DHRSX: variants seen among roughly 807,000 people sequenced by gnomAD.
DHRSX encodes the protein dehydrogenase/reductase X-linked, also known as polyprenol dehydrogenase.
DHRSX carries 31 observed loss-of-function variants against 34.0 expected under a neutral mutation model. That is an observed-to-expected ratio of 0.91 (90% CI 0.69 to 1.23). DHRSX has a LOEUF of 1.23. Among genes scored for constraint, DHRSX ranks in the 50% most tolerant of loss-of-function variants. DHRSX has a pLI of 0.00. For missense variants in DHRSX, 414 were observed against 428.1 expected, an observed-to-expected ratio of 0.97 and a Z score of 0.29; for synonymous variants, 201 against 183.8, an observed-to-expected ratio of 1.09 and a Z score of -0.76.
rs1276764711 is a variant in DHRSX, at chrX:2,263,535, C to T, written c.596+3205G>A. Among the ~76,000 whole-genome samples, 13 of 130,574 alleles carry T rather than the reference C, an allele frequency of 1.0e-4. No individual in the cohort carries two copies. The East Asian group carries it at 2.0e-3, about 20-fold the overall frequency. 85.7% of individuals were successfully genotyped at this position (130,574 alleles called of 152,430 possible). On this transcript the variant is annotated intron_variant, in intron 5 of 6. Transcript: ENST00000334651. ...TTCTTTTTTTTTTTTTTTTTTGAGA[C>T]GGAATTTTGCTGTTGTTACTCCGGC...
intron 6 of DHRSX, among the ~76,000 whole-genome samples, chrX:2,226,794 C>T (rs1045934761): frequency 4.9e-5 from 7 of 142,284 alleles, no homozygotes; most frequent in African/African-American, 1.8e-4. Context: ...GATGCCATCT[C>T]AAAAAAAAAA....
intron 3 of DHRSX, among the ~76,000 whole-genome samples, chrX:2,407,628 G>A (rs1404396145): frequency 1.3e-5 from 2 of 152,178 alleles, no homozygotes; most frequent in African/African-American, 4.8e-5. Context: ...GGGAGCATTT[G>A]CAAAACCTTC....
intron 6 of DHRSX, among the ~76,000 whole-genome samples, chrX:2,230,022 T>C (rs944061055): frequency 3.9e-5 from 6 of 152,168 alleles, no homozygotes; most frequent in African/African-American, 1.4e-4. Flanking sequence ...CACACATGCA[T>C]GTGGGCACAG....
At chrX:2,270,987 A>G (rs1175655467) in intron 4 of DHRSX, among the ~76,000 whole-genome samples, 1 of 141,178 alleles carries the variant, frequency 7.1e-6, no homozygotes, top group Non-Finnish European at 1.6e-5. Context: ...AGTCAGCAGG[A>G]TGTGGGCGGG....
At position 2,290,874 on chromosome X, in the gene DHRSX, T is replaced by C. The variant is rs1284850852; in HGVS notation, c.388+628A>G. ...GGACTGCAGCAGGGGATGAGAGTAA[T>C]GGGCATCAGTGTTACGAGGAGAAAC... On this transcript the variant is annotated intron_variant, in intron 4 of 6. Transcript: ENST00000334651. Among the ~76,000 whole-genome samples, 9 of 152,296 alleles carry C rather than the reference T, an allele frequency of 5.9e-5. No individual in the cohort carries two copies. In the East Asian group the frequency reaches 1.7e-3, roughly 29 times the overall value.
chrX:2,405,141 T>TAGGCAGTG, intron 3 of DHRSX, among the ~76,000 whole-genome samples: 1 of 146,142 alleles, frequency 6.8e-6, no homozygotes, highest in East Asian at 1.9e-4. Context: ...GATAGGGGCA[T>TAGGCAGTG]AGGCAGTGAC....
At chrX:2,471,800 G>C (rs1432078531) in intron 1 of DHRSX, among the ~76,000 whole-genome samples, 3 of 151,996 alleles carry the variant, frequency 2.0e-5, no homozygotes, top group Non-Finnish European at 2.9e-5. Context: ...ATGTAAACTG[G>C]ATAAACAAAG....
chrX:2,373,275 A>G, intron 3 of DHRSX, among the ~76,000 whole-genome samples: 1 of 152,304 alleles, frequency 6.6e-6, no homozygotes, highest in Middle Eastern at 3.4e-3. Context: ...TCCAGGTGCC[A>G]TGTGGGTGGG....
chrX:2,348,821 G>T (rs112757195), intron 3 of DHRSX, among the ~76,000 whole-genome samples: 3 of 151,590 alleles, frequency 2.0e-5, no homozygotes, highest in Non-Finnish European at 4.4e-5. Flanking sequence ...AGCCTCCCAC[G>T]TAACTGGGAT....
intron 3 of DHRSX, among the ~76,000 whole-genome samples, chrX:2,407,558 T>C (rs1275230096): frequency 6.6e-6 from 1 of 152,226 alleles, no homozygotes; most frequent in Non-Finnish European, 1.5e-5. Flanking sequence ...CCTCGTTATC[T>C]AACCTAAGCT....
At chrX:2,406,443 GTT>G (rs58388477) in intron 3 of DHRSX, among the ~76,000 whole-genome samples, 15 of 147,300 alleles carry the variant, frequency 1.0e-4, no homozygotes, top group African/African-American at 1.7e-4. Context: ...TTTGTTTTTT[GTT>G]TTTTTTTTTC....
At chrX:2,428,766 T>G (rs1467914412) in intron 1 of DHRSX, among the ~76,000 whole-genome samples, 2 of 152,286 alleles carry the variant, frequency 1.3e-5, no homozygotes, top group Non-Finnish European at 1.5e-5. Flanking sequence ...ACTTAAAGTA[T>G]AATAAAATAA....
chrX:2,370,488 C>T (rs185115920), intron 3 of DHRSX, among the ~76,000 whole-genome samples: 258 of 151,254 alleles, frequency 1.7e-3, no homozygotes, highest in African/African-American at 6.0e-3. Flanking sequence ...TTGTATTTTA[C>T]GGAGACACAA....
At chrX:2,358,862 T>C (rs1244299665) in intron 3 of DHRSX, among the ~76,000 whole-genome samples, 1 of 149,432 alleles carries the variant, frequency 6.7e-6, no homozygotes, top group African/African-American at 2.5e-5. Context: ...GGCAGGAGAA[T>C]GGCGTGAACC....
rs1027647398 is a variant in DHRSX at position 2,313,834 on chromosome X, G to A, written c.287-22231C>T. Among the ~76,000 whole-genome samples the A allele has an allele frequency of 1.6e-4, 24 of 152,042 alleles. 1 individual carries two copies. The highest frequency in any genetic ancestry group is 2.0e-4 in the Admixed American group (3 of 15,222). ...AGCTTGATTTTATATATTTTAGGAAGGCATGAGACATCAATCAAATACATT... is the reference window on the plus strand; with the variant it reads ...AGCTTGATTTTATATATTTTAGGAAAGCATGAGACATCAATCAAATACATT... On this transcript the variant is annotated intron_variant, in intron 3 of 6. Coordinates refer to ENST00000334651, the MANE Select transcript of DHRSX (RefSeq NM_145177.3).
At chrX:2,458,273 T>C (rs750879881) in intron 1 of DHRSX, among the ~76,000 whole-genome samples, 29 of 152,244 alleles carry the variant, frequency 1.9e-4, no homozygotes, top group African/African-American at 7.0e-4. Context: ...GGTCCAGCCA[T>C]TGGCCTGCAA....
intron 4 of DHRSX, among the ~76,000 whole-genome samples, chrX:2,268,943 T>A (rs1449080229): frequency 1.3e-5 from 2 of 152,384 alleles, no homozygotes; most frequent in East Asian, 3.8e-4. Context: ...ATTTGAGGTG[T>A]ATGATTAATA....
At chrX:2,285,009 T>C (rs1484207373) in intron 4 of DHRSX, among the ~76,000 whole-genome samples, 2 of 152,148 alleles carry the variant, frequency 1.3e-5, no homozygotes, top group Non-Finnish European at 2.9e-5. Flanking sequence ...GGCACGTGGT[T>C]GACTAGCAGG....
chrX:2,485,624 G>A (rs1467558426), intron 1 of DHRSX, among the ~76,000 whole-genome samples: 2 of 114,516 alleles, frequency 1.7e-5, no homozygotes, highest in African/African-American at 6.8e-5. Context: ...GGGAAGGAAG[G>A]AGGGAGGGAG....
Sources: allele counts gnomAD v4.1 joint callset (sites outside exome capture counted in the v4.1 genomes callset), GRCh38; gene constraint gnomAD v4.1.1; transcripts MANE v1.5; gene names NCBI Gene and HGNC (gene_info 2026-07-23, HGNC 2026-07-21).